Variants in NRXN3 observed in about 807,000 individuals in gnomAD.
NRXN3 encodes neurexin III.
In NRXN3, 32 loss-of-function variants were observed where a neutral mutation model predicts 137.6. The observed-to-expected ratio is 0.23, with a 90% confidence interval of 0.18 to 0.31. The LOEUF (loss-of-function observed/expected upper bound fraction) is 0.31, where lower values mean the gene tolerates loss of function less well. NRXN3 is among the 10% of genes least tolerant of loss of function. NRXN3 has a pLI of 1.00. For missense variants in NRXN3, 1,574 were observed against 2,062.5 expected (o/e 0.76, Z 4.59); for synonymous variants, 798 against 784.5 (o/e 1.02, Z -0.29).
At chr14:78,997,492 T>C (rs1286251488) in intron 15 of NRXN3, among the ~76,000 whole-genome samples, 4 of 152,206 alleles carry the variant, frequency 2.6e-5, no homozygotes, top group Non-Finnish European at 5.9e-5. Context: ...TTCCAACATA[T>C]TTTTCAACAT....
intron 4 of NRXN3, among the ~76,000 whole-genome samples, chr14:78,583,046 G>C (rs2097019443): frequency 6.6e-6 from 1 of 152,140 alleles, no homozygotes; most frequent in Non-Finnish European, 1.5e-5. Context: ...CAGGTGCCCT[G>C]TGGTTCTCAT....
intron 15 of NRXN3, chr14:79,280,788 T>C: frequency 2.1e-6 from 1 of 485,452 alleles, no homozygotes; most frequent in Non-Finnish European, 3.7e-6. Flanking sequence ...CCCTCATTCA[T>C]AGCTGCACAG....
intron 16 of NRXN3, among the ~76,000 whole-genome samples, chr14:79,524,551 A>C (rs1291660632): frequency 1.3e-5 from 2 of 152,222 alleles, no homozygotes; most frequent in Admixed American, 6.5e-5. Flanking sequence ...ACAAAAAATA[A>C]TTCTGGGGAT....
chr14:79,574,545 T>C (rs1602324316), intron 16 of NRXN3, among the ~76,000 whole-genome samples: 2 of 152,316 alleles, frequency 1.3e-5, no homozygotes, highest in South Asian at 4.1e-4. Flanking sequence ...TTATTATTAC[T>C]GGAGTTTTAA....
At chr14:79,501,294 C>T (rs1339639622) in intron 16 of NRXN3, among the ~76,000 whole-genome samples, 1 of 152,124 alleles carries the variant, frequency 6.6e-6, no homozygotes, top group Non-Finnish European at 1.5e-5. Flanking sequence ...TGCCCCCTCC[C>T]TCCCCCGCTT....
At chr14:78,924,795 C>T (rs2099280658) in intron 10 of NRXN3, among the ~76,000 whole-genome samples, 1 of 152,146 alleles carries the variant, frequency 6.6e-6, no homozygotes, top group African/African-American at 2.4e-5. Flanking sequence ...TTGTTAAAAT[C>T]AGATGCTGCT....
At chr14:78,551,817 C>CTT (rs1456266853) in intron 4 of NRXN3, among the ~76,000 whole-genome samples, 3 of 151,756 alleles carry the variant, frequency 2.0e-5, no homozygotes, top group Non-Finnish European at 4.4e-5. Flanking sequence ...TCCCTTTTTA[C>CTT]TTTTCTTCAA....
chr14:78,594,354 G>A (rs1241225393), intron 4 of NRXN3, among the ~76,000 whole-genome samples: 1 of 152,208 alleles, frequency 6.6e-6, no homozygotes, highest in Non-Finnish European at 1.5e-5. Flanking sequence ...CAGGATCTGA[G>A]TTGTCATGTC....
At chr14:79,501,084 C>T (rs1479439636) in intron 16 of NRXN3, among the ~76,000 whole-genome samples, 2 of 152,122 alleles carry the variant, frequency 1.3e-5, no homozygotes, top group African/African-American at 4.8e-5. Context: ...TCCAACAGGC[C>T]TAGGGATCTG....
intron 16 of NRXN3, among the ~76,000 whole-genome samples, chr14:79,607,282 C>G (rs1411309048): frequency 6.6e-6 from 1 of 152,142 alleles, no homozygotes; most frequent in Non-Finnish European, 1.5e-5. Context: ...AAGAAATGAT[C>G]TTTTCCAATG....
At chr14:79,019,507 T>A (rs140278600) in intron 15 of NRXN3, among the ~76,000 whole-genome samples, 1 of 152,250 alleles carries the variant, frequency 6.6e-6, no homozygotes, top group Non-Finnish European at 1.5e-5. Flanking sequence ...GGGCCAGGGA[T>A]AATGTAATTG....
intron 15 of NRXN3, among the ~76,000 whole-genome samples, chr14:79,389,522 A>C (rs2153470115): frequency 6.6e-6 from 1 of 152,318 alleles, no homozygotes; most frequent in African/African-American, 2.4e-5. Flanking sequence ...GAACACATTC[A>C]AACCATAGCA....
At chr14:78,745,006 A>G (rs1165219921) in intron 8 of NRXN3, 2 of 152,238 alleles carry the variant, frequency 1.3e-5, no homozygotes, top group Non-Finnish European at 2.9e-5. Context: ...TTGATCCAGC[A>G]TTAGTCAAGC....
At position 79,575,775 on chromosome 14, in the gene NRXN3, C is replaced by A. The variant is rs145966149; in HGVS notation, c.3445-88003C>A. Reference sequence around the variant, plus strand: ...GTCTGAGACTTAGGTCAATTATTTTCATGCAGAAATCGGGGAGGGTGCTCC... The same window carrying A: ...GTCTGAGACTTAGGTCAATTATTTTAATGCAGAAATCGGGGAGGGTGCTCC... On this transcript the variant is annotated intron_variant, in intron 16 of 20. Coordinates refer to ENST00000335750, the MANE Select transcript of NRXN3 (RefSeq NM_001330195.2). Among the ~76,000 whole-genome samples the A allele has an allele frequency of 1.5e-3, 222 of 152,240 alleles. 4 individuals are homozygous for A. In the East Asian group the frequency reaches 0.027, roughly 19 times the overall value.
intron 19 of NRXN3, among the ~76,000 whole-genome samples, chr14:79,756,411 A>ATCTT (rs2099019708): frequency 6.6e-6 from 1 of 152,146 alleles, no homozygotes; most frequent in Non-Finnish European, 1.5e-5. Flanking sequence ...TTTAGAGAGG[A>ATCTT]TCTTTCTTTC....
At chr14:78,872,146 A>G (rs2099102821) in intron 10 of NRXN3, among the ~76,000 whole-genome samples, 1 of 151,530 alleles carries the variant, frequency 6.6e-6, no homozygotes, top group South Asian at 2.1e-4. Flanking sequence ...CATTCAATAC[A>G]TCAATGTTGA....
At chr14:79,321,017 G>C (rs1261909712) in intron 15 of NRXN3, among the ~76,000 whole-genome samples, 1 of 152,018 alleles carries the variant, frequency 6.6e-6, no homozygotes, top group Non-Finnish European at 1.5e-5. Flanking sequence ...TATCACATCT[G>C]AGCGATTTTG....
At chr14:79,664,981 T>C (rs1230711894) in intron 17 of NRXN3, among the ~76,000 whole-genome samples, 2 of 152,162 alleles carry the variant, frequency 1.3e-5, no homozygotes, top group African/African-American at 4.8e-5. Flanking sequence ...ACAAAGAAGC[T>C]TGAAGCACAT....
At chr14:79,230,072 A>G (rs2071867305) in intron 15 of NRXN3, among the ~76,000 whole-genome samples, 1 of 152,166 alleles carries the variant, frequency 6.6e-6, no homozygotes, top group Non-Finnish European at 1.5e-5. Context: ...AAATGCAGCA[A>G]TCTGCTGCAC....
Sources: allele counts gnomAD v4.1 joint callset (sites outside exome capture counted in the v4.1 genomes callset), GRCh38; gene constraint gnomAD v4.1.1; transcripts MANE v1.5; gene names NCBI Gene and HGNC (gene_info 2026-07-23, HGNC 2026-07-21).